NOX4: variants seen among roughly 807,000 people sequenced by gnomAD.
NOX4 encodes the protein NADPH oxidase 4, also known as kidney oxidase-1.
A neutral mutation model predicts 87.6 loss-of-function variants in NOX4; 69 were observed. The ratio of observed to expected loss-of-function variants is 0.79; its 90% CI spans 0.65 to 0.96. The LOEUF is 0.96. Among genes scored for constraint, NOX4 ranks in the 40% least tolerant of loss-of-function variants. The pLI, the probability that NOX4 is intolerant of heterozygous loss-of-function variation, is 0.00. For missense variants in NOX4, 680 were observed against 681.5 expected, an observed-to-expected ratio of 1.00 and a Z score of 0.02; for synonymous variants, 275 against 238.2, an observed-to-expected ratio of 1.15 and a Z score of -1.42.
chr11:89,441,711 C>T (rs990166278), intron 5 of NOX4, among the ~76,000 whole-genome samples: 1 of 151,466 alleles, frequency 6.6e-6, no homozygotes, highest in Non-Finnish European at 1.5e-5. Context: ...CTAAGAAAAC[C>T]CAGAAGATGG....
At chr11:89,541,981 G>GT in the NOX4 span, among the ~76,000 whole-genome samples, 130 of 149,588 alleles carry the variant, frequency 8.7e-4, no homozygotes, top group Middle Eastern at 3.5e-3. Flanking sequence ...AATTTTTGTA[G>GT]TTTTTTTTTT....
chr11:89,358,566 C>T (rs1408961572), intron 12 of NOX4, among the ~76,000 whole-genome samples: 1 of 151,056 alleles, frequency 6.6e-6, no homozygotes, highest in Non-Finnish European at 1.5e-5. Flanking sequence ...ACTGATTATT[C>T]ATTTATTTCT....
the NOX4 span, among the ~76,000 whole-genome samples, chr11:89,571,759 A>C: frequency 6.6e-6 from 1 of 151,994 alleles, no homozygotes; most frequent in African/African-American, 2.4e-5. Flanking sequence ...GCTGGGAACT[A>C]TGTCACCCAA....
chr11:89,338,426 T>C (rs1029352197), intron 15 of NOX4, among the ~76,000 whole-genome samples: 3 of 152,162 alleles, frequency 2.0e-5, no homozygotes, highest in African/African-American at 7.2e-5. Context: ...CCTTTGGCTA[T>C]TGTGAATAAT....
At chr11:89,475,071 T>A (rs1477463989) in intron 2 of NOX4, among the ~76,000 whole-genome samples, 2 of 151,856 alleles carry the variant, frequency 1.3e-5, no homozygotes, top group African/African-American at 4.8e-5. Flanking sequence ...ATAAACAACA[T>A]ATGCTTAAGG....
At chr11:89,479,305 G>A (rs980693560) in intron 2 of NOX4, among the ~76,000 whole-genome samples, 2 of 152,050 alleles carry the variant, frequency 1.3e-5, no homozygotes, top group Non-Finnish European at 2.9e-5. Context: ...AACTTGTTTG[G>A]ATCACTGCCA....
chr11:89,429,270 A>G (rs1477322351), intron 7 of NOX4, among the ~76,000 whole-genome samples: 1 of 152,190 alleles, frequency 6.6e-6, no homozygotes, highest in Non-Finnish European at 1.5e-5. Flanking sequence ...AAGATCTAAA[A>G]TTGACACCCT....
the NOX4 span, among the ~76,000 whole-genome samples, chr11:89,511,571 A>G: frequency 6.6e-6 from 1 of 151,978 alleles, no homozygotes; most frequent in African/African-American, 2.4e-5. Flanking sequence ...TTGCTAACAG[A>G]AATTCCGATG....
At chr11:89,568,072 G>A in the NOX4 span, among the ~76,000 whole-genome samples, 1 of 152,154 alleles carries the variant, frequency 6.6e-6, no homozygotes, top group East Asian at 1.9e-4. Flanking sequence ...CGGGGACAGA[G>A]AACGAAGTTA....
intron 13 of NOX4, among the ~76,000 whole-genome samples, chr11:89,344,298 C>G (rs1441400577): frequency 6.6e-6 from 1 of 152,162 alleles, no homozygotes; most frequent in African/African-American, 2.4e-5. Flanking sequence ...CAGTGGCTCA[C>G]ACCTGTAATC....
intron 2 of NOX4, among the ~76,000 whole-genome samples, chr11:89,470,267 C>T (rs1033817058): frequency 5.3e-5 from 8 of 152,136 alleles, no homozygotes; most frequent in African/African-American, 1.9e-4. Flanking sequence ...GAACTTATGG[C>T]ATGGCTTCCT....
chr11:89,432,931 A>G (rs1021647617), intron 6 of NOX4, 75 bp from the exon 7 acceptor site: 5 of 963,062 alleles, frequency 5.2e-6, no homozygotes, highest in Admixed American at 1.9e-5. Context: ...TTATATTAGA[A>G]TCCGAAATAC....
At chr11:89,391,370 G>A (rs946820985) in intron 11 of NOX4, among the ~76,000 whole-genome samples, 5 of 152,084 alleles carry the variant, frequency 3.3e-5, no homozygotes, top group African/African-American at 1.2e-4. Context: ...GGAGTTTAAG[G>A]TGTGAATACA....
rs751492870 is a variant in NOX4, at chr11:89,451,819, C to A, written c.230G>T (p.Arg77Leu). 8.1e-6 allele frequency: 13 copies of A among 1,612,922 alleles called. No individual in the cohort carries two copies. The highest frequency in any genetic ancestry group is 2.7e-5 in the African/African-American group (2 of 74,804). The change falls in exon 3 of 18, where the codon CGA becomes CTA. Residue 77 changes from arginine to leucine, a missense_variant. Arg to Leu is a moderately radical substitution (Grantham distance 102, BLOSUM62 -2). Transcript: ENST00000263317. ...NCSLILLPMC[R>L]TLLAYLRGSQ... ...TCCTCGGAGGTAAGCCAAGAGTGTT[C>A]GGCACATGGGTAAAAGGATAAGGCT...
At chr11:89,437,671 C>T (rs1415843933) in intron 6 of NOX4, among the ~76,000 whole-genome samples, 2 of 152,044 alleles carry the variant, frequency 1.3e-5, no homozygotes, top group Non-Finnish European at 2.9e-5. Flanking sequence ...TTACCTAGGA[C>T]CCTGCATACT....
chr11:89,356,506 A>G (rs945069402), intron 12 of NOX4, among the ~76,000 whole-genome samples: 1 of 152,128 alleles, frequency 6.6e-6, no homozygotes, highest in African/African-American at 2.4e-5. Context: ...TGCATGGCAT[A>G]GAGTATGCAC....
At chr11:89,362,826 A>T (rs3793973) in intron 12 of NOX4, among the ~76,000 whole-genome samples, 44,019 of 151,938 alleles carry the variant, frequency 0.29, 6,501 homozygotes, top group East Asian at 0.36. Flanking sequence ...ACAAACACAC[A>T]CACATGATGC....
In NOX4 at chr11:89,440,855, A is replaced by G. The variant is rs200488646; in HGVS notation, c.448-140T>C. On this transcript the variant is annotated intron_variant, in intron 5 of 17. Transcript: ENST00000263317. ...ATCCAACGGAAGTGAGAAAGACTCGATTAAGTTTCATAACATTTTCACAAT... is the reference window on the plus strand; with the variant it reads ...ATCCAACGGAAGTGAGAAAGACTCGGTTAAGTTTCATAACATTTTCACAAT... 5 of 481,628 alleles carry G rather than the reference A, an allele frequency of 1.0e-5. No homozygotes were observed. In the East Asian group the frequency reaches 1.8e-4, roughly 17 times the overall value. The allele number at this position is 481,628 out of a possible 1,614,324, so 29.8% of individuals were successfully genotyped here.
chr11:89,416,442 G>A (rs317160), intron 8 of NOX4, among the ~76,000 whole-genome samples: 150,481 of 152,290 alleles, frequency 0.99, 74,367 homozygotes, highest in East Asian at 1. Context: ...CTTCTAAAAG[G>A]GAAGATACTT....
Sources: allele counts gnomAD v4.1 joint callset (sites outside exome capture counted in the v4.1 genomes callset), GRCh38; gene constraint gnomAD v4.1.1; transcripts MANE v1.5; gene names NCBI Gene and HGNC (gene_info 2026-07-23, HGNC 2026-07-21).